The following WDR5 variants were observed in gnomAD, a reference collection of about 807,000 sequenced individuals.
WDR5 encodes the protein WD repeat-containing protein 5.
For missense variants in WDR5, 187 were observed against 416.9 expected (o/e 0.45, Z 4.80); for synonymous variants, 144 against 161.6 (o/e 0.89, Z 0.83).
At chr9:134,151,929 C>T (rs34873912) in intron 8 of WDR5, 54 bp from the exon 9 acceptor site, 258,362 of 1,574,514 alleles carry the variant, frequency 0.16, 24,080 homozygotes, top group Non-Finnish European at 0.19. Context: ...CCCAGCAGCC[C>T]GCGTGAGATC....
rs1032033564 is a variant in WDR5, at chr9:134,136,141, G to C, written c.-118G>C. On this transcript the variant is annotated 5_prime_UTR_variant, in exon 1 of 14. Coordinates refer to ENST00000358625, the MANE Select transcript of WDR5 (RefSeq NM_017588.3). ...CTTGTCGAGCTGAGTCCGCGCTCCC[G>C]CCCAGGCGGCGGCCGACGCGACGCC... 7.0e-6 allele frequency: 1 copy of C among 143,102 alleles called. No homozygotes were observed. The highest frequency in any genetic ancestry group is 1.5e-5 in the Non-Finnish European group (1 of 65,762). 8.9% of individuals were successfully genotyped at this position (143,102 alleles called of 1,614,324 possible).
chr9:134,154,321 C>T (rs920449572), intron 9 of WDR5, 145 bp from the exon 10 acceptor site: 27 of 820,944 alleles, frequency 3.3e-5, no homozygotes, highest in South Asian at 1.1e-4. Context: ...CCCTTCGGGG[C>T]GGCGAGGGGT....
At chr9:134,142,543 G>C (rs1389665810) in intron 6 of WDR5, 93 bp from the exon 7 acceptor site, 1 of 1,559,188 alleles carries the variant, frequency 6.4e-7, no homozygotes, top group Non-Finnish European at 8.8e-7. Flanking sequence ...TGTGCTGTTT[G>C]TGGGGAGGAT....
In WDR5 at chr9:134,140,717, G is replaced by A. The variant is rs1368948097; in HGVS notation, c.96G>A (p.Lys32=). 6.2e-7 allele frequency: 1 copy of A among 1,614,198 alleles called. No homozygotes were observed. The highest frequency in any genetic ancestry group is 8.5e-7 in the Non-Finnish European group (1 of 1,180,030). ...SATQSKPTPV[K]PNYALKFTLA... is the part of the protein sequence containing the mutation. ...CTTTCCTGCAGCCTACACCTGTGAA[G>A]CCAAACTATGCTCTAAAGTTCACCC... Residue 32 remains lysine, a synonymous_variant, in exon 3 of 14, where the codon AAG becomes AAA. Coordinates refer to ENST00000358625, the MANE Select transcript of WDR5 (RefSeq NM_017588.3).
intron 7 of WDR5, among the ~76,000 whole-genome samples, chr9:134,144,794 C>T (rs1022118206): frequency 6.6e-6 from 1 of 152,042 alleles, no homozygotes; most frequent in Non-Finnish European, 1.5e-5. Context: ...CAAGATGGTA[C>T]CACTGCACTC....
chr9:134,152,692 G>A (rs1832555745), intron 9 of WDR5, among the ~76,000 whole-genome samples: 1 of 152,218 alleles, frequency 6.6e-6, no homozygotes, highest in Non-Finnish European at 1.5e-5. Context: ...AGGATGGGGG[G>A]ATGGACCCCC....
chr9:134,148,403 C>T, intron 8 of WDR5, 60 bp downstream of exon 8: 3 of 1,465,948 alleles, frequency 2.0e-6, no homozygotes, highest in South Asian at 1.2e-5. Flanking sequence ...CCAGCTCTTG[C>T]ACTGTTCCTG....
chr9:134,139,968 CA>C lies in WDR5; in HGVS notation c.81+11del. On this transcript the variant is annotated intron_variant, in intron 2 of 13. Coordinates refer to ENST00000358625, the MANE Select transcript of WDR5 (RefSeq NM_017588.3). ...CGCCACTCAGAGCAAGGTGCGTGCC[CA>C]GGGGCCCCTTGGACACCTTCCGGGG... 6.2e-7 allele frequency: 1 copy of C among 1,613,638 alleles called. No individual in the cohort carries two copies. The highest frequency in any genetic ancestry group is 1.3e-5 in the African/African-American group (1 of 75,016).
At position 134,139,977 on chromosome 9, in the gene WDR5, C is replaced by G. The variant is rs1831793993; in HGVS notation, c.81+19C>G. On this transcript the variant is annotated intron_variant, in intron 2 of 13. Coordinates refer to ENST00000358625, the MANE Select transcript of WDR5 (RefSeq NM_017588.3). ...GAGCAAGGTGCGTGCCCAGGGGCCC[C>G]TTGGACACCTTCCGGGGGCAAATAC... 1 of 1,613,390 alleles carries G rather than the reference C, an allele frequency of 6.2e-7. No homozygotes were observed. Among genetic ancestry groups the G allele is most frequent in the Admixed American group, 1.7e-5 (1 of 59,982 alleles).
chr9:134,143,992 G>C (rs879632491), intron 7 of WDR5, among the ~76,000 whole-genome samples: 13 of 152,234 alleles, frequency 8.5e-5, no homozygotes, highest in Non-Finnish European at 1.8e-4. Context: ...AGGAAGGGTG[G>C]ATGCAGCATT....
chr9:134,146,715 C>T (rs1185195117), intron 7 of WDR5, among the ~76,000 whole-genome samples: 1 of 152,190 alleles, frequency 6.6e-6, no homozygotes, highest in Non-Finnish European at 1.5e-5. Flanking sequence ...TGGAGTTGGC[C>T]TTGTGAGTTT....
chr9:134,147,331 T>G (rs1286206383), intron 7 of WDR5, among the ~76,000 whole-genome samples: 1 of 152,092 alleles, frequency 6.6e-6, no homozygotes, highest in African/African-American at 2.4e-5. Flanking sequence ...CCTGGACTGG[T>G]CAAATCAGAA....
At chr9:134,154,708 C>A (rs1462765493) in intron 10 of WDR5, among the ~76,000 whole-genome samples, 167 bp downstream of exon 10, 2 of 152,176 alleles carry the variant, frequency 1.3e-5, no homozygotes, top group Non-Finnish European at 2.9e-5. Context: ...GGAGGGCAGG[C>A]CCCCGTCCAT....
intron 7 of WDR5, among the ~76,000 whole-genome samples, chr9:134,144,562 G>C (rs1261010105): frequency 1.3e-5 from 2 of 152,094 alleles, no homozygotes; most frequent in Non-Finnish European, 2.9e-5. Context: ...AAAACAGGTT[G>C]GGTGCCATGT....
chr9:134,136,000 G>GT (rs1831518093), upstream of WDR5: 1 of 151,928 alleles, frequency 6.6e-6, no homozygotes. Flanking sequence ...GTCGCTGCCC[G>GT]TAGCGCTCCT....
rs116058271 is a variant in WDR5, at chr9:134,158,438, T to C, written c.*445T>C. ...GCCCACGCCGGCCGCCCCCATTCTCTGCTGCGTAGATGCCCTGGCCCAGGG... is the reference window on the plus strand; with the variant it reads ...GCCCACGCCGGCCGCCCCCATTCTCCGCTGCGTAGATGCCCTGGCCCAGGG... On this transcript the variant is annotated 3_prime_UTR_variant, in exon 14 of 14. Coordinates refer to ENST00000358625, the MANE Select transcript of WDR5 (RefSeq NM_017588.3). 1 of 158,062 alleles carries C rather than the reference T, an allele frequency of 6.3e-6. No homozygotes were observed. Among genetic ancestry groups the C allele is most frequent in the African/African-American group, 2.4e-5 (1 of 41,618 alleles). The allele number at this position is 158,062 out of a possible 1,614,324, so 9.8% of individuals were successfully genotyped here.
intron 7 of WDR5, among the ~76,000 whole-genome samples, chr9:134,144,125 C>T (rs536797206): frequency 1.2e-3 from 185 of 152,374 alleles, no homozygotes; most frequent in African/African-American, 4.3e-3. Flanking sequence ...CCTGATACTG[C>T]CCGGACGGAC....
chr9:134,143,990 T>A (rs1832037314), intron 7 of WDR5, among the ~76,000 whole-genome samples: 2 of 152,202 alleles, frequency 1.3e-5, no homozygotes, highest in South Asian at 4.1e-4. Flanking sequence ...GAAGGAAGGG[T>A]GGATGCAGCA....
chr9:134,139,839 C>T lies in WDR5; in HGVS notation c.-39C>T. On this transcript the variant is annotated 5_prime_UTR_variant, in exon 2 of 14. Coordinates refer to ENST00000358625, the MANE Select transcript of WDR5 (RefSeq NM_017588.3). ...CAACAGACTGCCTCTGTCACCGGGT[C>T]CCTCCACCCTTGTCTCCTGTGCGGC... 1.2e-6 allele frequency: 2 copies of T among 1,610,458 alleles called. No homozygotes were observed. Among genetic ancestry groups the T allele is most frequent in the Non-Finnish European group, 1.7e-6 (2 of 1,177,442 alleles).
Sources: gnomAD v4.1 joint callset for allele counts (sites outside exome capture counted in the v4.1 genomes callset) on GRCh38, gnomAD v4.1.1 for gene constraint, MANE v1.5 for transcripts, NCBI Gene and HGNC (gene_info 2026-07-23, HGNC 2026-07-21) for gene names.